NUP98: variants seen among roughly 807,000 people sequenced by gnomAD.
The protein encoded by NUP98 is nuclear pore complex protein Nup98-Nup96.
Under a neutral mutation model 191.9 loss-of-function variants are expected in NUP98, and 26 were observed. That is an observed-to-expected ratio of 0.14 (90% CI 0.10 to 0.19). The LOEUF (loss-of-function observed/expected upper bound fraction) is 0.19, where lower values mean the gene tolerates loss of function less well. Among genes scored for constraint, NUP98 ranks in the 10% least tolerant of loss-of-function variants. The pLI is 1.00. For synonymous variants in NUP98, 808 were observed against 778.4 expected (o/e 1.04, Z -0.63); for missense variants, 1,941 against 2,178.8 (o/e 0.89, Z 2.17).
intron 10 of NUP98, among the ~76,000 whole-genome samples, chr11:3,759,731 A>C (rs1229212146): frequency 6.6e-6 from 1 of 152,222 alleles, no homozygotes; most frequent in African/African-American, 2.4e-5. Flanking sequence ...TCAACAATGA[A>C]TATACATACT....
At position 3,691,911 on chromosome 11, in the gene NUP98, C is replaced by T. The variant is rs548743704; in HGVS notation, c.4312-422G>A. ...CCTGTATTAAGAATGAATAGACAGC[C>T]ATGTGCAGTGGCTTGAGCCTATAAT... On this transcript the variant is annotated intron_variant, in intron 27 of 32. Transcript: ENST00000324932. 2.0e-5 allele frequency among the ~76,000 whole-genome samples: 3 copies of T among 152,228 alleles called. No homozygotes were observed. The South Asian group carries it at 6.2e-4, about 32-fold the overall frequency.
intron 12 of NUP98, among the ~76,000 whole-genome samples, chr11:3,739,887 G>A (rs1277762952): frequency 1.3e-5 from 2 of 151,074 alleles, no homozygotes; most frequent in African/African-American, 2.4e-5. Context: ...TGCCACCCCT[G>A]AGAGAGCAAG....
At position 3,709,981 on chromosome 11, in the gene NUP98, T is replaced by A. The variant is rs796635804; in HGVS notation, c.2742+2583A>T. ...TAAAACTTAAAGTACAATAATAATT[T>A]AAAAAAAAAAAGTTTACAAAAAAAA... On this transcript the variant is annotated intron_variant, in intron 20 of 32. Coordinates refer to ENST00000324932, the MANE Select transcript of NUP98 (RefSeq NM_016320.5). Among the ~76,000 whole-genome samples, 133 of 113,876 alleles carry A rather than the reference T, an allele frequency of 1.2e-3. 1 individual carries two copies. The highest frequency in any genetic ancestry group is 9.3e-3 in the Middle Eastern group (2 of 214). 74.7% of individuals were successfully genotyped at this position (113,876 alleles called of 152,430 possible).
intron 21 of NUP98, among the ~76,000 whole-genome samples, chr11:3,706,130 C>G (rs1429835197): frequency 1.3e-5 from 2 of 151,948 alleles, no homozygotes; most frequent in African/African-American, 2.4e-5. Flanking sequence ...GATCACACCA[C>G]TCCACTCCAG....
At chr11:3,765,273 T>C (rs915899014) in intron 8 of NUP98, among the ~76,000 whole-genome samples, 1 of 152,160 alleles carries the variant, frequency 6.6e-6, no homozygotes, top group Non-Finnish European at 1.5e-5. Context: ...ACGATCATAG[T>C]GCACCACAGC....
At chr11:3,788,986 T>C (rs529071673) in intron 1 of NUP98, among the ~76,000 whole-genome samples, 18 of 152,202 alleles carry the variant, frequency 1.2e-4, no homozygotes, top group South Asian at 6.2e-4. Context: ...GTTACCATCA[T>C]TGACTCTTAA....
chr11:3,676,825 T>C (rs2077828291), intron 31 of NUP98: 1 of 675,692 alleles, frequency 1.5e-6, no homozygotes, highest in Non-Finnish European at 2.7e-6. Context: ...GTAACACAGT[T>C]ACCTAGCCTT....
chr11:3,681,460 A>G (rs1385715271), intron 30 of NUP98, among the ~76,000 whole-genome samples: 2 of 152,202 alleles, frequency 1.3e-5, no homozygotes, highest in Non-Finnish European at 2.9e-5. Context: ...TTTCTTAAAT[A>G]ATAAGGCTTG....
intron 11 of NUP98, among the ~76,000 whole-genome samples, chr11:3,752,228 G>T (rs1236593099): frequency 6.6e-6 from 1 of 150,796 alleles, no homozygotes; most frequent in East Asian, 2.0e-4. Context: ...CATTAAGAAG[G>T]AAATGACAGC....
chr11:3,734,493 C>G (rs2079970627), intron 13 of NUP98, among the ~76,000 whole-genome samples: 1 of 152,182 alleles, frequency 6.6e-6, no homozygotes, highest in African/African-American at 2.4e-5. Context: ...AACACTATTA[C>G]TCTTCCCATT....
In NUP98 at chr11:3,768,736, C is replaced by T; in HGVS notation, c.793G>A (p.Gly265Arg). Reference protein sequence around the residue: ...NKTAFGTSTTGFGTNPGGLFG... With the variant: ...NKTAFGTSTTRFGTNPGGLFG... ...AGACCACCTGGATTTGTTCCAAATC[C>T]AGTTGTACCTTTTAGGAAAAAGAAA... The change falls in exon 8 of 33, where the codon GGA (glycine) becomes AGA (arginine). Residue 265 changes from glycine to arginine, a missense_variant. By Grantham distance (125) the Gly-to-Arg change is moderately radical. Coordinates refer to ENST00000324932, the MANE Select transcript of NUP98 (RefSeq NM_016320.5). The T allele has an allele frequency of 6.5e-7, 1 of 1,539,704 alleles. No homozygotes were observed. Among genetic ancestry groups the T allele is most frequent in the Non-Finnish European group, 8.7e-7 (1 of 1,147,484 alleles).
At chr11:3,692,381 A>G (rs2078343315) in intron 27 of NUP98, among the ~76,000 whole-genome samples, 1 of 151,700 alleles carries the variant, frequency 6.6e-6, no homozygotes, top group Non-Finnish European at 1.5e-5. Flanking sequence ...TAATCCTAGC[A>G]CTTAGGGAGG....
Position 3,675,672 on chromosome 11 carries a change from TA to T in NUP98, c.*486del, listed in dbSNP as rs1341765489. ...CTCCTTTGCCTCCAAAATTCAGTGT[TA>T]ACTAACCAATTACTTAAGAGACGGA... On this transcript the variant is annotated 3_prime_UTR_variant, in exon 33 of 33. Coordinates refer to ENST00000324932, the MANE Select transcript of NUP98 (RefSeq NM_016320.5). 2.5e-5 allele frequency: 6 copies of T among 242,912 alleles called. No homozygotes were observed. Among genetic ancestry groups the T allele is most frequent in the African/African-American group, 1.3e-4 (6 of 45,356 alleles). The allele number at this position is 242,912 out of a possible 1,614,324, so 15.0% of individuals were successfully genotyped here. A position where few individuals can be genotyped will look rare whatever the true frequency, so the allele number is the denominator to read the frequency against.
chr11:3,790,795 A>G (rs1024509048), intron 1 of NUP98, among the ~76,000 whole-genome samples: 2 of 152,242 alleles, frequency 1.3e-5, no homozygotes, highest in South Asian at 4.1e-4. Flanking sequence ...GAAATACTCA[A>G]AAACTTCTGC....
chr11:3,789,407 T>G (rs1048455079), intron 1 of NUP98, among the ~76,000 whole-genome samples: 1 of 152,056 alleles, frequency 6.6e-6, no homozygotes, highest in Non-Finnish European at 1.5e-5. Flanking sequence ...ATATTGAGAT[T>G]ACTATGATCA....
intron 2 of NUP98, 96 bp from the exon 3 acceptor site, chr11:3,779,353 C>T (rs936585254): frequency 1.1e-4 from 124 of 1,083,862 alleles, no homozygotes; most frequent in Non-Finnish European, 1.6e-4. Context: ...TAAAATTCTG[C>T]ATTTGAGGCT....
At chr11:3,773,780 T>C in intron 5 of NUP98, 41 bp from the exon 6 acceptor site, 1 of 1,145,022 alleles carries the variant, frequency 8.7e-7, no homozygotes, top group Non-Finnish European at 1.3e-6. Flanking sequence ...GTCCAAGTTT[T>C]ACATTCCTAC....
At chr11:3,759,244 C>G (rs1249340524) in intron 10 of NUP98, among the ~76,000 whole-genome samples, 2 of 152,148 alleles carry the variant, frequency 1.3e-5, no homozygotes, top group Non-Finnish European at 2.9e-5. Context: ...AATAAACTTC[C>G]CATATCTGAT....
chr11:3,747,127 G>C (rs1172629614), intron 11 of NUP98, among the ~76,000 whole-genome samples: 10 of 152,146 alleles, frequency 6.6e-5, no homozygotes, highest in Non-Finnish European at 1.2e-4. Flanking sequence ...ATACAATAAA[G>C]TTCTGGTAAT....
Sources: gnomAD v4.1 joint callset for allele counts (sites outside exome capture counted in the v4.1 genomes callset) on GRCh38, gnomAD v4.1.1 for gene constraint, MANE v1.5 for transcripts, NCBI Gene and HGNC (gene_info 2026-07-23, HGNC 2026-07-21) for gene names.